Variants in IGSF11 observed in about 807,000 individuals in gnomAD.
IGSF11 encodes CXADR like 1.
IGSF11 carries 22 observed loss-of-function variants against 41.0 expected under a neutral mutation model. That is an observed-to-expected ratio of 0.54 (90% CI 0.38 to 0.77). IGSF11 has a LOEUF of 0.77. Ranked by LOEUF, IGSF11 falls within the 30% of genes least tolerant of loss-of-function variation. The pLI is 0.00. For synonymous variants in IGSF11, 219 were observed against 201.3 expected, an observed-to-expected ratio of 1.09 and a Z score of -0.74; for missense variants, 444 against 530.8, an observed-to-expected ratio of 0.84 and a Z score of 1.61.
At chr3:119,069,126 A>G (rs984575628) in intron 1 of IGSF11, among the ~76,000 whole-genome samples, 2 of 151,660 alleles carry the variant, frequency 1.3e-5, no homozygotes, top group African/African-American at 4.8e-5. Context: ...ACAGAGTTTC[A>G]CCGTGTTAGC....
At chr3:119,097,505 G>A (rs2076873059) in intron 1 of IGSF11, among the ~76,000 whole-genome samples, 1 of 152,028 alleles carries the variant, frequency 6.6e-6, no homozygotes, top group South Asian at 2.1e-4. Flanking sequence ...CAGGTTGGGG[G>A]TGAGGTTCAC....
intron 1 of IGSF11, among the ~76,000 whole-genome samples, chr3:119,115,485 A>C (rs552681148): frequency 1.3e-5 from 2 of 152,258 alleles, no homozygotes; most frequent in East Asian, 3.9e-4. Flanking sequence ...TTTGATTTGC[A>C]TTTCTCTGAT....
chr3:119,111,932 G>A (rs148593576), intron 1 of IGSF11, among the ~76,000 whole-genome samples: 160 of 152,340 alleles, frequency 1.1e-3, no homozygotes, highest in African/African-American at 3.8e-3. Context: ...GAATGCTGCT[G>A]TCTGATCGTT....
At position 118,902,641 on chromosome 3, in the gene IGSF11, A is replaced by T; in HGVS notation, c.1175T>A (p.Val392Asp). ...GTGTGGAGGCCGAGGCTTCCTACTG[A>T]CTGAGCCATTGCTCCTGGACATCAC... ...PQVMSRSNGS[V>D]SRKPRPPHTH... Residue 392 changes from valine to aspartate, a missense_variant, in exon 7 of 7, where the codon GTC becomes GAC. Physicochemically the swap from Val to Asp is radical, Grantham distance 152. Transcript: ENST00000393775. 1 of 1,614,012 alleles carries T rather than the reference A, an allele frequency of 6.2e-7. No homozygotes were observed.
chr3:118,965,089 T>C (rs983967265), intron 1 of IGSF11, among the ~76,000 whole-genome samples: 6 of 152,198 alleles, frequency 3.9e-5, no homozygotes, highest in Middle Eastern at 3.2e-3. Context: ...TGAATGTTTT[T>C]TCTGGACACA....
chr3:119,137,960 CACA>C (rs1203217005), intron 1 of IGSF11, among the ~76,000 whole-genome samples: 1 of 148,278 alleles, frequency 6.7e-6, no homozygotes, highest in Non-Finnish European at 1.5e-5. Context: ...TGAAAAAGTG[CACA>C]ACATCATTGA....
chr3:119,060,985 T>C (rs541130229), intron 1 of IGSF11, among the ~76,000 whole-genome samples: 6 of 152,318 alleles, frequency 3.9e-5, no homozygotes, highest in Middle Eastern at 3.4e-3. Context: ...GGATTTGAAA[T>C]GTTTTTAATA....
chr3:119,099,421 T>C (rs919958538), intron 1 of IGSF11, among the ~76,000 whole-genome samples: 1 of 152,172 alleles, frequency 6.6e-6, no homozygotes, highest in African/African-American at 2.4e-5. Flanking sequence ...CATAATTCTA[T>C]TGGTGGTACA....
At chr3:118,954,397 G>A (rs1179823290) in intron 1 of IGSF11, among the ~76,000 whole-genome samples, 1 of 151,920 alleles carries the variant, frequency 6.6e-6, no homozygotes, top group Non-Finnish European at 1.5e-5. Flanking sequence ...GCTTTTTTGG[G>A]GGGTTCCATA....
intron 1 of IGSF11, among the ~76,000 whole-genome samples, chr3:119,065,770 G>A (rs377143730): frequency 1.2e-3 from 173 of 139,482 alleles, no homozygotes; most frequent in Non-Finnish European, 1.8e-3. Context: ...TCCAGCCTGG[G>A]TGACACAGTG....
chr3:119,119,439 T>A (rs1251970701), intron 1 of IGSF11, among the ~76,000 whole-genome samples: 1 of 152,076 alleles, frequency 6.6e-6, no homozygotes. Flanking sequence ...GAAAGACCTG[T>A]CCCCATGATT....
chr3:119,043,182 T>C (rs1261740849), intron 1 of IGSF11, among the ~76,000 whole-genome samples: 2 of 152,150 alleles, frequency 1.3e-5, no homozygotes, highest in Non-Finnish European at 2.9e-5. Flanking sequence ...CAAGATTTAA[T>C]AGAGTGAAAA....
rs1324732698 is a variant in IGSF11, at chr3:118,902,978, A to G, written c.855-17T>C. Reference sequence around the variant, plus strand: ...TCATCCTCTCTGAAAGGAACAAAATAAAGTCGTTGTTAGGATTTACTTCAA... The same window carrying G: ...TCATCCTCTCTGAAAGGAACAAAATGAAGTCGTTGTTAGGATTTACTTCAA... On this transcript the variant is annotated splice_polypyrimidine_tract_variant and intron_variant, in intron 6 of 6. Transcript: ENST00000393775. 2.5e-6 allele frequency: 4 copies of G among 1,607,698 alleles called. No homozygotes were observed.
At chr3:119,053,938 T>C (rs747356526) in intron 1 of IGSF11, among the ~76,000 whole-genome samples, 3 of 152,130 alleles carry the variant, frequency 2.0e-5, no homozygotes, top group Non-Finnish European at 4.4e-5. Flanking sequence ...ATTCAACAAA[T>C]GGTGCTGGGA....
intron 3 of IGSF11, 104 bp downstream of exon 3, chr3:118,928,405 A>G: frequency 1.3e-6 from 1 of 796,196 alleles, no homozygotes; most frequent in Non-Finnish European, 2.1e-6. Context: ...ACAGAAAAAG[A>G]ACATAAGCAG....
chr3:119,078,645 C>T (rs2107477414), intron 1 of IGSF11, among the ~76,000 whole-genome samples: 1 of 152,272 alleles, frequency 6.6e-6, no homozygotes, highest in East Asian at 1.9e-4. Flanking sequence ...CCATTCTGGA[C>T]ATAGGCCCTG....
chr3:119,059,046 G>C (rs1452355332), intron 1 of IGSF11, among the ~76,000 whole-genome samples: 2 of 151,646 alleles, frequency 1.3e-5, no homozygotes, highest in African/African-American at 2.4e-5. Flanking sequence ...AGTGGGTGCA[G>C]CGCACCAACA....
rs62273461 is a variant in IGSF11 at position 119,029,998 on chromosome 3, G to A, written c.52+4533C>T. On this transcript the variant is annotated intron_variant, in intron 1 of 6. Coordinates refer to ENST00000393775, the MANE Select transcript of IGSF11 (RefSeq NM_001015887.3). The stretch of plus-strand genomic sequence containing the variant: ...TACACTACCATTAGTGGCTGCTAAC[G>A]TTGACCTAATTCTCTGAACATCTTC... Among the ~76,000 whole-genome samples, 245 of 152,212 alleles carry A rather than the reference G, an allele frequency of 1.6e-3. 2 individuals carry two copies. The highest frequency in any genetic ancestry group is 2.3e-3 in the Non-Finnish European group (156 of 68,004).
At chr3:119,026,452 T>C (rs1939836588) in intron 1 of IGSF11, among the ~76,000 whole-genome samples, 1 of 152,194 alleles carries the variant, frequency 6.6e-6, no homozygotes, top group South Asian at 2.1e-4. Context: ...TTACTAACAG[T>C]AGAGTTTTAT....
Sources: allele counts gnomAD v4.1 joint callset (sites outside exome capture counted in the v4.1 genomes callset), GRCh38; gene constraint gnomAD v4.1.1; transcripts MANE v1.5; gene names NCBI Gene and HGNC (gene_info 2026-07-23, HGNC 2026-07-21).